Variants in SDK1 observed in about 807,000 individuals in gnomAD.
SDK1 encodes protein sidekick-1.
A neutral mutation model predicts 245.5 loss-of-function variants in SDK1; 157 were observed. That is an observed-to-expected ratio of 0.64 (90% CI 0.56 to 0.73). SDK1 has a LOEUF of 0.73. SDK1 is among the 30% of genes least tolerant of loss of function. SDK1 has a pLI of 0.00. For synonymous variants in SDK1, 1,647 were observed against 1,278.5 expected, an observed-to-expected ratio of 1.29 and a Z score of -6.15; for missense variants, 3,583 against 3,002.3, an observed-to-expected ratio of 1.19 and a Z score of -4.52.
At chr7:3,838,770 C>T (rs1242363552) in intron 5 of SDK1, among the ~76,000 whole-genome samples, 1 of 152,174 alleles carries the variant, frequency 6.6e-6, no homozygotes. Flanking sequence ...CACTAGGAGA[C>T]CATGCAGTGG....
chr7:4,092,749 G>A (rs1389929079), intron 22 of SDK1, among the ~76,000 whole-genome samples: 1 of 152,116 alleles, frequency 6.6e-6, no homozygotes, highest in Non-Finnish European at 1.5e-5. Flanking sequence ...AGGACACTGA[G>A]GAAGGAACAA....
At chr7:3,476,961 G>A (rs184950099) in intron 1 of SDK1, among the ~76,000 whole-genome samples, 1 of 152,306 alleles carries the variant, frequency 6.6e-6, no homozygotes, top group Non-Finnish European at 1.5e-5. Context: ...CTCTGTAGGC[G>A]TGAGGGAAGC....
rs563931675 is a variant in SDK1, at chr7:4,268,398, A to G, written c.*3014A>G. 2.3e-5 allele frequency: 25 copies of G among 1,097,098 alleles called. No individual in the cohort carries two copies. The African/African-American group carries it at 3.7e-4, about 16-fold the overall frequency. 68.0% of individuals were successfully genotyped at this position (1,097,098 alleles called of 1,614,324 possible). A position where few individuals can be genotyped will look rare whatever the true frequency, so the allele number is the denominator to read the frequency against. On this transcript the variant is annotated 3_prime_UTR_variant, in exon 45 of 45. Coordinates refer to ENST00000404826, the MANE Select transcript of SDK1 (RefSeq NM_152744.4). ...GGCCACCTTCTGGGTGAATCGGTCC[A>G]GCCCAAGCCCCTCTCCCCAGCCTCG... is the stretch of plus-strand genomic sequence containing the variant.
chr7:3,896,019 T>C (rs372527815), intron 5 of SDK1, among the ~76,000 whole-genome samples: 1 of 152,236 alleles, frequency 6.6e-6, no homozygotes, highest in African/African-American at 2.4e-5. Flanking sequence ...GCATATGTTC[T>C]GTGTGCACTT....
chr7:3,325,991 A>C (rs996407520), intron 1 of SDK1, among the ~76,000 whole-genome samples: 2 of 152,094 alleles, frequency 1.3e-5, no homozygotes, highest in African/African-American at 2.4e-5. Context: ...CCAACCAAAT[A>C]AAAGGGCAGA....
At chr7:3,572,284 C>T (rs925441577) in intron 1 of SDK1, among the ~76,000 whole-genome samples, 4 of 151,960 alleles carry the variant, frequency 2.6e-5, no homozygotes, top group African/African-American at 7.2e-5. Flanking sequence ...TCACAAATTT[C>T]GGTCAAGTAA....
intron 1 of SDK1, among the ~76,000 whole-genome samples, chr7:3,456,729 C>A (rs780594822): frequency 6.6e-6 from 1 of 152,116 alleles, no homozygotes; most frequent in South Asian, 2.1e-4. Flanking sequence ...CTTTTTCTCA[C>A]TCAAGTTGTG....
intron 1 of SDK1, among the ~76,000 whole-genome samples, chr7:3,307,043 T>G (rs1562402990): frequency 6.6e-6 from 1 of 152,182 alleles, no homozygotes; most frequent in Admixed American, 6.5e-5. Context: ...AGGTGTAGTA[T>G]AAAGAAAAAT....
chr7:4,163,056 A>G (rs547949769), intron 32 of SDK1, among the ~76,000 whole-genome samples: 1 of 152,232 alleles, frequency 6.6e-6, no homozygotes, highest in Non-Finnish European at 1.5e-5. Context: ...CTGGCAGCAG[A>G]CACAACAGAT....
intron 7 of SDK1, among the ~76,000 whole-genome samples, chr7:3,956,369 G>A (rs1781261486): frequency 1.3e-5 from 2 of 152,200 alleles, no homozygotes; most frequent in Non-Finnish European, 1.5e-5. Context: ...ACCGTAGCTG[G>A]AAATGGGGAG....
rs1476295322 is a variant in SDK1 at position 4,000,717 on chromosome 7, G to A, written c.2132-10249G>A. Among the ~76,000 whole-genome samples, 5 of 152,202 alleles carry A rather than the reference G, an allele frequency of 3.3e-5. No individual in the cohort carries two copies. In the East Asian group the frequency reaches 9.6e-4, roughly 29 times the overall value. On this transcript the variant is annotated intron_variant, in intron 14 of 44. Coordinates refer to ENST00000404826, the MANE Select transcript of SDK1 (RefSeq NM_152744.4). ...ATGGCGAAGAGACTTTGTTCTTCAT[G>A]CTTCAAATATTTTAATACTGTCTTT...
intron 1 of SDK1, among the ~76,000 whole-genome samples, chr7:3,426,981 T>G (rs1325700995): frequency 6.6e-6 from 1 of 152,174 alleles, no homozygotes; most frequent in Admixed American, 6.6e-5. Flanking sequence ...ATCAGATACT[T>G]TATGAACATC....
intron 4 of SDK1, among the ~76,000 whole-genome samples, chr7:3,763,097 T>G (rs938180481): frequency 2.0e-5 from 3 of 152,208 alleles, no homozygotes; most frequent in African/African-American, 7.2e-5. Context: ...CACTTAAAAA[T>G]AAGCCTCCTT....
At chr7:3,585,888 GAAGT>G (rs529768455) in intron 1 of SDK1, among the ~76,000 whole-genome samples, 251 of 152,302 alleles carry the variant, frequency 1.6e-3, no homozygotes, top group African/African-American at 5.9e-3. Context: ...AAAGAGATTA[GAAGT>G]AAGACTGACA....
intron 5 of SDK1, among the ~76,000 whole-genome samples, chr7:3,830,540 G>C (rs1352159481): frequency 6.6e-6 from 1 of 152,096 alleles, no homozygotes; most frequent in Admixed American, 6.6e-5. Flanking sequence ...CTGTCACCCA[G>C]GCTGGAGTGC....
At chr7:3,694,372 C>T (rs1784516124) in intron 4 of SDK1, among the ~76,000 whole-genome samples, 1 of 152,164 alleles carries the variant, frequency 6.6e-6, no homozygotes, top group Admixed American at 6.5e-5. Context: ...GCTCAACACC[C>T]TCCTCTCATA....
intron 5 of SDK1, among the ~76,000 whole-genome samples, chr7:3,949,400 C>G (rs1039855880): frequency 2.0e-5 from 3 of 152,204 alleles, no homozygotes; most frequent in African/African-American, 7.2e-5. Context: ...GAAATCAGAG[C>G]TGATGAGAAG....
chr7:3,362,842 C>T (rs6462040), intron 1 of SDK1, among the ~76,000 whole-genome samples: 3 of 151,996 alleles, frequency 2.0e-5, no homozygotes, highest in African/African-American at 4.8e-5. Context: ...TCTGAGAAAA[C>T]CTTGGATAAT....
intron 4 of SDK1, among the ~76,000 whole-genome samples, chr7:3,694,208 C>T (rs940982656): frequency 3.9e-5 from 6 of 152,142 alleles, no homozygotes; most frequent in African/African-American, 1.4e-4. Context: ...CTAAGTTGTG[C>T]CCTGCCCACT....
Sources: gnomAD v4.1 joint callset for allele counts (sites outside exome capture counted in the v4.1 genomes callset) on GRCh38, gnomAD v4.1.1 for gene constraint, MANE v1.5 for transcripts, NCBI Gene and HGNC (gene_info 2026-07-23, HGNC 2026-07-21) for gene names.